The following SPAG1 variants were observed in gnomAD, a reference collection of about 807,000 sequenced individuals.
The protein encoded by SPAG1 is sperm associated antigen 1.
A neutral mutation model predicts 100.5 loss-of-function variants in SPAG1; 69 were observed. That is an observed-to-expected ratio of 0.69 (90% CI 0.57 to 0.84). The LOEUF is 0.84. SPAG1 is among the 40% of genes least tolerant of loss of function. The probability of loss-of-function intolerance (pLI) is 0.00; values close to 1 mark genes in which losing one functional copy is unlikely to be tolerated. For missense variants in SPAG1, 955 were observed against 1,133.1 expected (o/e 0.84, Z 2.26); for synonymous variants, 336 against 411.6 (o/e 0.82, Z 2.22).
In SPAG1 at chr8:100,162,263, A is replaced by G. The variant is rs1297415534; in HGVS notation, c.-2-16A>G. On this transcript the variant is annotated splice_polypyrimidine_tract_variant and intron_variant, in intron 1 of 18. Transcript: ENST00000388798. The stretch of plus-strand genomic sequence containing the variant: ...TTTATACATTAGATTAATAACTTTT[A>G]AATATTGTATTTCAGCTATGACCAC... 1.3e-6 allele frequency: 2 copies of G among 1,566,346 alleles called. No homozygotes were observed. Among genetic ancestry groups the G allele is most frequent in the Non-Finnish European group, 1.7e-6 (2 of 1,150,920 alleles).
At chr8:100,180,284 G>A (rs950435509) in intron 4 of SPAG1, among the ~76,000 whole-genome samples, 8 of 152,218 alleles carry the variant, frequency 5.3e-5, no homozygotes, top group African/African-American at 1.9e-4. Flanking sequence ...GCTGCAGTGA[G>A]CCATGATGAC....
chr8:100,220,359 A>G lies in SPAG1; in HGVS notation c.1616A>G (p.Lys539Arg), dbSNP rs777732606. Residue 539 changes from lysine (K) to arginine (R), a missense_variant, in exon 13 of 19, where the codon AAA becomes AGA. Coordinates refer to ENST00000388798, the MANE Select transcript of SPAG1 (RefSeq NM_003114.5). ...TATGAAACTCTAGAGCAGTATGGGA[A>G]AGCTTATGTGGATTATAAAACAGTG... is the stretch of plus-strand genomic sequence containing the variant. ...MAYETLEQYG[K>R]AYVDYKTVLQ... The G allele has an allele frequency of 8.7e-6, 14 of 1,613,962 alleles. No homozygotes were observed. The highest frequency in any genetic ancestry group is 1.2e-5 in the Non-Finnish European group (14 of 1,179,948).
chr8:100,158,323 G>C (rs1019684483), upstream of SPAG1: 2 of 152,384 alleles, frequency 1.3e-5, no homozygotes, highest in Non-Finnish European at 2.9e-5. Flanking sequence ...GCGGGTGTCG[G>C]GGCGCGGTGG....
chr8:100,169,582 C>T (rs1027646445), intron 3 of SPAG1, among the ~76,000 whole-genome samples: 8 of 152,078 alleles, frequency 5.3e-5, no homozygotes, highest in African/African-American at 1.9e-4. Flanking sequence ...CTACTAAATA[C>T]CAAAAATTAG....
chr8:100,163,202 G>A lies in SPAG1; in HGVS notation c.140+782G>A, dbSNP rs73279017. 6.1e-3 allele frequency among the ~76,000 whole-genome samples: 927 copies of A among 152,128 alleles called. 15 individuals are homozygous for A. The highest frequency in any genetic ancestry group is 0.022 in the African/African-American group (899 of 41,526). On this transcript the variant is annotated intron_variant, in intron 2 of 18. Coordinates refer to ENST00000388798, the MANE Select transcript of SPAG1 (RefSeq NM_003114.5). ...CTGTCCAACTGAATATACATCAAAT[G>A]TGGTTGTTAAAAATGCACATTTGAG...
chr8:100,170,800 C>CATTT (rs138359646), intron 3 of SPAG1, among the ~76,000 whole-genome samples: 3,812 of 113,480 alleles, frequency 0.034, 86 homozygotes, highest in East Asian at 0.11. Flanking sequence ...TCCAGTCTGC[C>CATTT]ATTTATTTAT....
At chr8:100,172,962 C>T (rs573611144) in intron 3 of SPAG1, among the ~76,000 whole-genome samples, 1 of 150,366 alleles carries the variant, frequency 6.7e-6, no homozygotes, top group South Asian at 2.1e-4. Flanking sequence ...TTTCAGGATG[C>T]AGACAGCTTG....
At chr8:100,229,898 C>G (rs1818688223) in intron 14 of SPAG1, among the ~76,000 whole-genome samples, 1 of 152,200 alleles carries the variant, frequency 6.6e-6, no homozygotes. Context: ...CTCAGAGACT[C>G]CAGCTCTCCA....
chr8:100,231,357 T>A, intron 15 of SPAG1, 69 bp downstream of exon 15: 1 of 1,126,414 alleles, frequency 8.9e-7, no homozygotes, highest in East Asian at 2.7e-5. Context: ...TTTTAAGTTA[T>A]TTTATTAACA....
intron 3 of SPAG1, among the ~76,000 whole-genome samples, chr8:100,169,679 AG>A (rs1815732001): frequency 6.6e-6 from 1 of 152,214 alleles, no homozygotes; most frequent in African/African-American, 2.4e-5. Flanking sequence ...CAGAGGTTGC[AG>A]TTAGCTGAGA....
intron 12 of SPAG1, among the ~76,000 whole-genome samples, chr8:100,215,301 T>G (rs1817928990): frequency 6.6e-6 from 1 of 151,814 alleles, no homozygotes; most frequent in Non-Finnish European, 1.5e-5. Flanking sequence ...GCTACATAAA[T>G]AAAACATTGT....
intron 10 of SPAG1, among the ~76,000 whole-genome samples, chr8:100,197,142 T>G (rs1446008993): frequency 6.6e-6 from 1 of 152,070 alleles, no homozygotes; most frequent in East Asian, 1.9e-4. Flanking sequence ...GTGGATGCTA[T>G]AAGTTTCTTT....
At chr8:100,194,714 A>C in intron 10 of SPAG1, 1 of 273,806 alleles carries the variant, frequency 3.7e-6, no homozygotes. Flanking sequence ...AAAATATTTT[A>C]AATATGCAAA....
intron 15 of SPAG1, among the ~76,000 whole-genome samples, chr8:100,232,221 T>C (rs2132424681): frequency 6.6e-6 from 1 of 152,272 alleles, no homozygotes; most frequent in East Asian, 1.9e-4. Context: ...CACTCAGTTT[T>C]CTGTGAAGAC....
At chr8:100,240,809 T>C in intron 18 of SPAG1, 38 bp downstream of exon 18, 1 of 1,567,300 alleles carries the variant, frequency 6.4e-7, no homozygotes, top group Non-Finnish European at 8.6e-7. Flanking sequence ...AAATTGGTTT[T>C]ATTAGGGTTT....
At chr8:100,194,037 G>A in intron 9 of SPAG1, 75 bp from the exon 10 acceptor site, 1 of 1,156,926 alleles carries the variant, frequency 8.6e-7, no homozygotes, top group African/African-American at 1.6e-5. Flanking sequence ...ACATCTTTAT[G>A]TTTTTAACCT....
intron 10 of SPAG1, among the ~76,000 whole-genome samples, chr8:100,204,972 C>G (rs1727796382): frequency 6.6e-6 from 1 of 152,180 alleles, no homozygotes. Context: ...TCAGAATAGT[C>G]TGACTCATGT....
intron 3 of SPAG1, among the ~76,000 whole-genome samples, chr8:100,176,735 T>C (rs1816135427): frequency 6.6e-6 from 1 of 152,158 alleles, no homozygotes; most frequent in African/African-American, 2.4e-5. Flanking sequence ...TAAAAAGGCA[T>C]TTCACAAGAA....
At chr8:100,189,602 C>T (rs866319214) in intron 8 of SPAG1, among the ~76,000 whole-genome samples, 2 of 152,140 alleles carry the variant, frequency 1.3e-5, no homozygotes, top group Middle Eastern at 3.2e-3. Flanking sequence ...TTGTACTGAG[C>T]TGAGATCACG....
Sources: gnomAD v4.1 joint callset for allele counts (sites outside exome capture counted in the v4.1 genomes callset) on GRCh38, gnomAD v4.1.1 for gene constraint, MANE v1.5 for transcripts, NCBI Gene and HGNC (gene_info 2026-07-23, HGNC 2026-07-21) for gene names.